Variants in TRHDE observed in about 807,000 individuals in gnomAD.
TRHDE encodes thyrotropin releasing hormone degrading enzyme.
A neutral mutation model predicts 125.7 loss-of-function variants in TRHDE; 72 were observed. That is an observed-to-expected ratio of 0.57 (90% CI 0.47 to 0.70). TRHDE has a LOEUF of 0.70. Among genes scored for constraint, TRHDE ranks in the 30% least tolerant of loss-of-function variants. The probability of loss-of-function intolerance (pLI) is 0.00; values close to 1 mark genes in which losing one functional copy is unlikely to be tolerated. For missense variants in TRHDE, 1,110 were observed against 1,327.1 expected (o/e 0.84, Z 2.54); for synonymous variants, 509 against 509.1 (o/e 1.00, Z 0.00).
chr12:72,571,078 T>G (rs531577524), intron 10 of TRHDE, among the ~76,000 whole-genome samples: 1 of 138,724 alleles, frequency 7.2e-6, no homozygotes, highest in African/African-American at 3.2e-5. Flanking sequence ...CAGTTCCAGT[T>G]TAATTGTATT....
chr12:72,364,052 G>T (rs936361569), intron 2 of TRHDE, among the ~76,000 whole-genome samples: 6 of 152,100 alleles, frequency 3.9e-5, no homozygotes, highest in South Asian at 2.1e-4. Context: ...TAGCTAGGAA[G>T]CCAACTTACA....
At chr12:72,104,914 T>C (rs934054821) in intron 1 of TRHDE, among the ~76,000 whole-genome samples, 9 of 152,152 alleles carry the variant, frequency 5.9e-5, no homozygotes, top group Admixed American at 2.6e-4. Flanking sequence ...TTTGCCTCTC[T>C]CTGTGCTCCC....
intron 6 of TRHDE, among the ~76,000 whole-genome samples, chr12:72,534,259 G>C (rs1868731621): frequency 6.6e-6 from 1 of 152,168 alleles, no homozygotes; most frequent in South Asian, 2.1e-4. Context: ...GAAACAATTA[G>C]CTAGTGATTT....
At chr12:72,544,321 T>C (rs1869303196) in intron 7 of TRHDE, among the ~76,000 whole-genome samples, 1 of 151,462 alleles carries the variant, frequency 6.6e-6, no homozygotes, top group Non-Finnish European at 1.5e-5. Flanking sequence ...ACAGAGTTGA[T>C]ATTAATGTGC....
At chr12:72,175,148 C>T (rs531937132) in intron 2 of TRHDE, among the ~76,000 whole-genome samples, 3 of 152,132 alleles carry the variant, frequency 2.0e-5, no homozygotes, top group Non-Finnish European at 4.4e-5. Flanking sequence ...TAGCAATTCC[C>T]CTTTTTTGCC....
intron 2 of TRHDE, among the ~76,000 whole-genome samples, chr12:72,288,139 A>G (rs1026561772): frequency 1.3e-5 from 2 of 152,150 alleles, no homozygotes; most frequent in African/African-American, 4.8e-5. Context: ...GTCTGTAGGA[A>G]AATTCAGATT....
chr12:72,568,730 G>T, intron 10 of TRHDE, 74 bp downstream of exon 10: 1 of 1,020,680 alleles, frequency 9.8e-7, no homozygotes, highest in Non-Finnish European at 1.5e-6. Context: ...TCTGGTTTCA[G>T]CTGTTATAAA....
intron 2 of TRHDE, among the ~76,000 whole-genome samples, chr12:72,131,835 T>C (rs890723322): frequency 3.9e-5 from 6 of 152,190 alleles, no homozygotes; most frequent in Admixed American, 1.3e-4. Flanking sequence ...GGCATTGTTA[T>C]TCCTGCTCAT....
intron 6 of TRHDE, among the ~76,000 whole-genome samples, chr12:72,516,256 T>C (rs964027178): frequency 1.4e-4 from 21 of 152,050 alleles, no homozygotes; most frequent in African/African-American, 4.6e-4. Flanking sequence ...ATTCATGGTA[T>C]TGATTCTTCC....
chr12:72,570,210 G>A (rs1271007353), intron 10 of TRHDE, among the ~76,000 whole-genome samples: 1 of 152,078 alleles, frequency 6.6e-6, no homozygotes, highest in Non-Finnish European at 1.5e-5. Context: ...TACCTTTCCG[G>A]GTCCATTTCT....
At chr12:72,238,339 T>TTATA (rs1252345327) in intron 2 of TRHDE, among the ~76,000 whole-genome samples, 242 of 21,146 alleles carry the variant, frequency 0.011, 32 homozygotes, top group African/African-American at 0.021. Flanking sequence ...TATATACACA[T>TTATA]TATATATATA....
intron 3 of TRHDE, among the ~76,000 whole-genome samples, chr12:72,455,882 T>C (rs946774786): frequency 6.6e-6 from 1 of 151,626 alleles, no homozygotes; most frequent in Non-Finnish European, 1.5e-5. Flanking sequence ...TATATAGGAG[T>C]AGATACAGAG....
At chr12:72,480,372 G>T (rs561789024) in intron 5 of TRHDE, among the ~76,000 whole-genome samples, 1 of 152,008 alleles carries the variant, frequency 6.6e-6, no homozygotes, top group Non-Finnish European at 1.5e-5. Context: ...GTGTGAGATG[G>T]TATCTCATTG....
At chr12:72,493,517 G>A (rs573576805) in intron 5 of TRHDE, among the ~76,000 whole-genome samples, 1 of 151,988 alleles carries the variant, frequency 6.6e-6, no homozygotes, top group Non-Finnish European at 1.5e-5. Context: ...CTGTTTCTCT[G>A]TTTCCAGTTG....
intron 6 of TRHDE, among the ~76,000 whole-genome samples, chr12:72,537,303 C>T (rs1823137775): frequency 6.6e-6 from 1 of 151,896 alleles, no homozygotes; most frequent in African/African-American, 2.4e-5. Flanking sequence ...AATTGTCATC[C>T]CCACTTGTCA....
At chr12:72,088,204 A>G (rs746865986) in intron 1 of TRHDE, among the ~76,000 whole-genome samples, 3 of 152,152 alleles carry the variant, frequency 2.0e-5, no homozygotes, top group Non-Finnish European at 4.4e-5. Context: ...AAATTAAATC[A>G]TCTTCTAAGT....
At chr12:72,294,862 G>A (rs1010410566) in intron 2 of TRHDE, among the ~76,000 whole-genome samples, 1 of 151,936 alleles carries the variant, frequency 6.6e-6, no homozygotes, top group Non-Finnish European at 1.5e-5. Context: ...GGGGGGTGAG[G>A]TGGCAGGGAG....
At chr12:72,160,526 A>C (rs1876613321) in intron 2 of TRHDE, among the ~76,000 whole-genome samples, 1 of 152,096 alleles carries the variant, frequency 6.6e-6, no homozygotes, top group Admixed American at 6.5e-5. Context: ...ATCTCTACTA[A>C]AAATACAAAA....
chr12:72,380,817 TATTC>T (rs1872134936), intron 3 of TRHDE, among the ~76,000 whole-genome samples: 2 of 131,528 alleles, frequency 1.5e-5, no homozygotes, highest in African/African-American at 2.8e-5. Flanking sequence ...CTTCCTTCCT[TATTC>T]CCTCCCTCTC....
Sources: allele counts gnomAD v4.1 joint callset (sites outside exome capture counted in the v4.1 genomes callset), GRCh38; gene constraint gnomAD v4.1.1; transcripts MANE v1.5; gene names NCBI Gene and HGNC (gene_info 2026-07-23, HGNC 2026-07-21).